The following CDH4 variants were observed in gnomAD, a reference collection of about 807,000 sequenced individuals.
CDH4 encodes cadherin-4.
In CDH4, 33 loss-of-function variants were observed where a neutral mutation model predicts 86.0. The observed-to-expected ratio is 0.38, with a 90% confidence interval of 0.29 to 0.51. CDH4 has a LOEUF of 0.51. Ranked by LOEUF, CDH4 falls within the 20% of genes least tolerant of loss-of-function variation. The pLI is 0.86. For synonymous variants in CDH4, 555 were observed against 549.4 expected (o/e 1.01, Z -0.14); for missense variants, 1,114 against 1,307.4 (o/e 0.85, Z 2.28).
At chr20:61,568,902 G>T (rs2086321198) in intron 2 of CDH4, among the ~76,000 whole-genome samples, 1 of 152,188 alleles carries the variant, frequency 6.6e-6, no homozygotes. Context: ...AGTGGAAGAG[G>T]TGACTTTTCT....
At chr20:61,342,386 C>G (rs2084653759) in intron 2 of CDH4, among the ~76,000 whole-genome samples, 1 of 152,218 alleles carries the variant, frequency 6.6e-6, no homozygotes, top group Admixed American at 6.5e-5. Context: ...ACAGTCCCAT[C>G]TGGAGGTGAT....
At chr20:61,291,884 C>G (rs1309250615) in intron 2 of CDH4, among the ~76,000 whole-genome samples, 1 of 152,168 alleles carries the variant, frequency 6.6e-6, no homozygotes, top group African/African-American at 2.4e-5. Flanking sequence ...TTTCCTGCTC[C>G]TCTCCCTCCT....
intron 2 of CDH4, among the ~76,000 whole-genome samples, chr20:61,714,460 G>GT (rs55887604): frequency 1 from 152,286 of 152,290 alleles, 76,141 homozygotes; most frequent in Non-Finnish European, 1. Context: ...GGATACAAGT[G>GT]TTTTTGGTGA....
At chr20:61,589,342 C>T (rs569095348) in intron 2 of CDH4, among the ~76,000 whole-genome samples, 1 of 152,320 alleles carries the variant, frequency 6.6e-6, no homozygotes, top group Non-Finnish European at 1.5e-5. Context: ...TTAAGACAGA[C>T]AGAAATTAAT....
At chr20:61,319,782 A>G (rs562130639) in intron 2 of CDH4, among the ~76,000 whole-genome samples, 1,426 of 134,708 alleles carry the variant, frequency 0.011, 27 homozygotes, top group African/African-American at 0.035. Context: ...ACACCATCTC[A>G]ATTAAAAAAA....
chr20:61,545,507 C>A (rs2086071727), intron 2 of CDH4, among the ~76,000 whole-genome samples: 1 of 152,222 alleles, frequency 6.6e-6, no homozygotes, highest in South Asian at 2.1e-4. Context: ...CAGTCACTGT[C>A]TGGGCACCCA....
intron 2 of CDH4, among the ~76,000 whole-genome samples, chr20:61,675,340 C>T (rs1036442617): frequency 1.2e-5 from 1 of 83,158 alleles, no homozygotes; most frequent in African/African-American, 4.9e-5. Context: ...CAAGCACTGC[C>T]GTGGAAACAA....
intron 2 of CDH4, among the ~76,000 whole-genome samples, chr20:61,611,284 C>T (rs1252292466): frequency 2.6e-5 from 4 of 152,218 alleles, no homozygotes; most frequent in Admixed American, 2.6e-4. Flanking sequence ...TGACCAGTCC[C>T]ATCTGAGAAT....
At chr20:61,882,439 C>T (rs1398966741) in intron 7 of CDH4, among the ~76,000 whole-genome samples, 1 of 152,222 alleles carries the variant, frequency 6.6e-6, no homozygotes, top group African/African-American at 2.4e-5. Context: ...CGGTCAACAT[C>T]GAAACGAGAG....
Position 61,679,702 on chromosome 20 carries a change from C to T in CDH4, c.170-63861C>T, listed in dbSNP as rs13044823. On this transcript the variant is annotated intron_variant, in intron 2 of 15. Coordinates refer to ENST00000614565, the MANE Select transcript of CDH4 (RefSeq NM_001794.5). ...TCCGCCACTGGTGGTGCTGTGAGCA[C>T]GCCAAGGCCCAGGAGGGAGCCTGTG... Among the ~76,000 whole-genome samples the T allele has an allele frequency of 4.6e-3, 703 of 152,344 alleles. 3 individuals are homozygous for T. The highest frequency in any genetic ancestry group is 0.02 in the Middle Eastern group (6 of 294).
chr20:61,661,726 G>A (rs573767563), intron 2 of CDH4, among the ~76,000 whole-genome samples: 11 of 152,206 alleles, frequency 7.2e-5, no homozygotes, highest in South Asian at 4.2e-4. Context: ...CACAGCCACC[G>A]CACACATTTC....
chr20:61,844,972 T>C (rs1982370191), intron 5 of CDH4, 149 bp downstream of exon 5: 4 of 839,386 alleles, frequency 4.8e-6, no homozygotes, highest in Middle Eastern at 3.7e-4. Flanking sequence ...CCTGGGAAGC[T>C]GGGGAAAGCC....
chr20:61,495,919 A>AG (rs1184997594), intron 2 of CDH4, among the ~76,000 whole-genome samples: 1 of 151,038 alleles, frequency 6.6e-6, no homozygotes, highest in Non-Finnish European at 1.5e-5. Context: ...AAAAAAAAAA[A>AG]AAAAGAGTCT....
At chr20:61,482,634 G>A (rs1198064054) in intron 2 of CDH4, among the ~76,000 whole-genome samples, 1 of 152,202 alleles carries the variant, frequency 6.6e-6, no homozygotes, top group African/African-American at 2.4e-5. Flanking sequence ...TCTGCTGACA[G>A]GGCTGGGTTT....
At chr20:61,698,081 G>T (rs554572141) in intron 2 of CDH4, among the ~76,000 whole-genome samples, 1 of 152,222 alleles carries the variant, frequency 6.6e-6, no homozygotes, top group Non-Finnish European at 1.5e-5. Flanking sequence ...CACACTGCCC[G>T]AGACAGCAGC....
intron 2 of CDH4, among the ~76,000 whole-genome samples, chr20:61,285,989 C>T (rs2084291074): frequency 6.6e-6 from 1 of 152,198 alleles, no homozygotes; most frequent in South Asian, 2.1e-4. Context: ...CTGGTGCTGG[C>T]TTCTTTTCCT....
At chr20:61,787,375 AAGG>A (rs1978940535) in intron 4 of CDH4, among the ~76,000 whole-genome samples, 1 of 152,198 alleles carries the variant, frequency 6.6e-6, no homozygotes, top group African/African-American at 2.4e-5. Flanking sequence ...TGATGGCAGA[AAGG>A]AGAAGTGCAG....
chr20:61,814,494 C>T (rs1365245881), intron 4 of CDH4, among the ~76,000 whole-genome samples: 2 of 152,180 alleles, frequency 1.3e-5, no homozygotes, highest in Non-Finnish European at 2.9e-5. Flanking sequence ...ACGCTCGAAG[C>T]CCCCAAAATA....
chr20:61,312,106 TGTG>T (rs1184801528), intron 2 of CDH4, among the ~76,000 whole-genome samples: 1 of 129,066 alleles, frequency 7.7e-6, no homozygotes, highest in Non-Finnish European at 1.6e-5. Context: ...ATGTGTGTGA[TGTG>T]TGGTGTGTGC....
Sources: allele counts gnomAD v4.1 joint callset (sites outside exome capture counted in the v4.1 genomes callset), GRCh38; gene constraint gnomAD v4.1.1; transcripts MANE v1.5; gene names NCBI Gene and HGNC (gene_info 2026-07-23, HGNC 2026-07-21).